SYPL2: variants seen among roughly 807,000 people sequenced by gnomAD.
SYPL2 encodes the protein synaptophysin like 2.
Under a neutral mutation model 31.3 loss-of-function variants are expected in SYPL2, and 24 were observed. The ratio of observed to expected loss-of-function variants is 0.77; its 90% CI spans 0.56 to 1.08. The LOEUF is 1.08. Among genes scored for constraint, SYPL2 ranks in the 50% least tolerant of loss-of-function variants. The pLI is 0.00. For synonymous variants in SYPL2, 144 were observed against 143.1 expected (o/e 1.01, Z -0.05); for missense variants, 342 against 360.1 (o/e 0.95, Z 0.41).
chr1:109,474,589 C>T lies in SYPL2; in HGVS notation c.130-992C>T, dbSNP rs1315380369. ...CTCCTGACCTCAAATGATCCACCCG[C>T]CTCAGCCTCCCAAAGTGCTGGGATT... On this transcript the variant is annotated intron_variant, in intron 2 of 5. Transcript: ENST00000369872. Among the ~76,000 whole-genome samples the T allele has an allele frequency of 2.6e-5, 4 of 152,066 alleles. No individual in the cohort carries two copies. The East Asian group carries it at 7.7e-4, about 29-fold the overall frequency.
Position 109,480,448 on chromosome 1 carries a change from T to G in SYPL2, c.*900T>G, listed in dbSNP as rs1439986715. 1 of 152,230 alleles carries G rather than the reference T, an allele frequency of 6.6e-6. No individual in the cohort carries two copies. Among genetic ancestry groups the G allele is most frequent in the Non-Finnish European group, 1.5e-5 (1 of 68,112 alleles). 9.4% of individuals were successfully genotyped at this position (152,230 alleles called of 1,614,324 possible). A position where few individuals can be genotyped will look rare whatever the true frequency, so the allele number is the denominator to read the frequency against. On this transcript the variant is annotated 3_prime_UTR_variant, in exon 6 of 6. Transcript: ENST00000369872. ...GCCTCCTAATCCCCTTACTTCTCTG[T>G]CCATCTCCCTTCCCCAGCATCGTGC...
intron 2 of SYPL2, among the ~76,000 whole-genome samples, chr1:109,474,323 C>CTTTTTTTTTTTTTTTTTTTTTT (rs67683974): frequency 4.0e-5 from 3 of 75,436 alleles, no homozygotes; most frequent in Non-Finnish European, 5.6e-5. Context: ...CTTTTCTTTT[C>CTTTTTTTTTTTTTTTTTTTTTT]TTTTTTTTTT....
rs746415882 is a variant in SYPL2 at position 109,477,987 on chromosome 1, T to C, written c.626T>C (p.Met209Thr). ...TGCAGTGCCGGGGCCACGCCCTCTA[T>C]GGGCCTGGCCAACATCTCCGTGGTG... ...AVCSAGATPS[M>T]GLANISVLFG... Residue 209 changes from methionine (M) to threonine (T), a missense_variant, in exon 5 of 6, where the codon ATG becomes ACG. By Grantham distance (81) the Met-to-Thr change is moderately conservative (BLOSUM62 -1). Transcript: ENST00000369872. The C allele has an allele frequency of 6.2e-7, 1 of 1,614,216 alleles. No homozygotes were observed. Among genetic ancestry groups the C allele is most frequent in the Non-Finnish European group, 8.5e-7 (1 of 1,180,042 alleles).
intron 2 of SYPL2, among the ~76,000 whole-genome samples, chr1:109,470,699 T>A (rs1252931393): frequency 1.3e-5 from 2 of 152,156 alleles, no homozygotes; most frequent in African/African-American, 4.8e-5. Flanking sequence ...CTTCTCTGTG[T>A]CTCAGTCACT....
chr1:109,477,872 T>G lies in SYPL2; in HGVS notation c.511T>G (p.Trp171Gly). The change falls in exon 5 of 6, where the codon TGG becomes GGG. Residue 171 changes from tryptophan (W) to glycine (G), a missense_variant. Transcript: ENST00000369872. ...CTTCTGGCTGGTAGCTGCAGCTGCC[T>G]GGGGCAAGGGCCTGACCGATGTCAA... Reference protein sequence around the residue: ...TFFWLVAAAAWGKGLTDVKGA... With the variant: ...TFFWLVAAAAGGKGLTDVKGA... 2 of 1,613,946 alleles carry G rather than the reference T, an allele frequency of 1.2e-6. No individual in the cohort carries two copies. The highest frequency in any genetic ancestry group is 1.7e-6 in the Non-Finnish European group (2 of 1,179,876).
rs1441714138 is a variant in SYPL2 at position 109,480,879 on chromosome 1, C to T, written c.*1331C>T. 6.6e-6 allele frequency: 1 copy of T among 152,668 alleles called. No homozygotes were observed. Among genetic ancestry groups the T allele is most frequent in the East Asian group, 1.9e-4 (1 of 5,188 alleles). 9.5% of individuals were successfully genotyped at this position (152,668 alleles called of 1,614,324 possible). Reference sequence around the variant, plus strand: ...TACCTCCTTCAGTCCCTCTCTGGGCCCCAAGGCTGAGAATCAGTGTTAACT... The same window carrying T: ...TACCTCCTTCAGTCCCTCTCTGGGCTCCAAGGCTGAGAATCAGTGTTAACT... On this transcript the variant is annotated 3_prime_UTR_variant, in exon 6 of 6. Coordinates refer to ENST00000369872, the MANE Select transcript of SYPL2 (RefSeq NM_001040709.2).
At chr1:109,466,980 G>C (rs1038125931) in intron 1 of SYPL2, 79 bp from the exon 2 acceptor site, 5 of 1,536,126 alleles carry the variant, frequency 3.3e-6, no homozygotes, top group Non-Finnish European at 4.4e-6. Context: ...CCTGGACCGC[G>C]TGTGAGTGGG....
chr1:109,473,794 C>G (rs2101003048), intron 2 of SYPL2, among the ~76,000 whole-genome samples: 1 of 151,960 alleles, frequency 6.6e-6, no homozygotes. Context: ...ACTCAACAGG[C>G]TGAGGCAGGA....
chr1:109,475,683 G>A lies in SYPL2; in HGVS notation c.232G>A (p.Val78Ile), dbSNP rs763021447. 1.1e-5 allele frequency: 18 copies of A among 1,613,874 alleles called. No individual in the cohort carries two copies. The highest frequency in any genetic ancestry group is 3.3e-4 in the Middle Eastern group (2 of 6,084). The change falls in exon 3 of 6, where the codon GTT (valine) becomes ATT (isoleucine). Residue 78 changes from valine (V) to isoleucine (I), a missense_variant. Physicochemically the swap from Val to Ile is conservative, Grantham distance 29 (BLOSUM62 3). Transcript: ENST00000369872. ...AGCCAAGGACGTGAGCTCCATCATC[G>A]TTGCATTTGGCTATCCCTTCAGGTG... is the stretch of plus-strand genomic sequence containing the variant. The part of the protein sequence containing the change: ...NEAKDVSSII[V>I]AFGYPFRLHR...
At chr1:109,472,148 A>G (rs780395310) in intron 2 of SYPL2, among the ~76,000 whole-genome samples, 2 of 151,604 alleles carry the variant, frequency 1.3e-5, no homozygotes, top group Non-Finnish European at 1.5e-5. Context: ...TTTTTGAGAT[A>G]GGGTCTCGCT....
chr1:109,468,515 T>C (rs898497137), intron 2 of SYPL2, among the ~76,000 whole-genome samples: 17 of 152,190 alleles, frequency 1.1e-4, no homozygotes, highest in Non-Finnish European at 8.8e-5. Context: ...ATTGAGCTCT[T>C]TTGCCTTTGG....
chr1:109,475,400 C>CCT (rs1376135822), intron 2 of SYPL2, 181 bp from the exon 3 acceptor site: 2 of 810,056 alleles, frequency 2.5e-6, no homozygotes, highest in Non-Finnish European at 3.7e-6. Context: ...GGTCCAGCAG[C>CCT]CTGAGGCTGG....
Position 109,466,854 on chromosome 1 carries a change from C to T in SYPL2, c.11C>T (p.Thr4Ile), listed in dbSNP as rs970767513. ...GCTCGCCGCGCCAGCATGTCCTCGA[C>T]CGAGAGCGCCGGCCGCACGGCGGAC... The part of the protein sequence containing the change: MSS[T>I]ESAGRTADKS... Residue 4 changes from threonine (T) to isoleucine (I), a missense_variant, in exon 1 of 6, where the codon ACC (threonine) becomes ATC (isoleucine). Transcript: ENST00000369872. 16 of 1,528,448 alleles carry T rather than the reference C, an allele frequency of 1.0e-5. No individual in the cohort carries two copies. The highest frequency in any genetic ancestry group is 2.5e-5 in the East Asian group (1 of 39,980). 94.7% of individuals were successfully genotyped at this position (1,528,448 alleles called of 1,614,324 possible).
At chr1:109,475,792 A>G in intron 3 of SYPL2, 87 bp downstream of exon 3, 1 of 1,530,234 alleles carries the variant, frequency 6.5e-7, no homozygotes, top group East Asian at 2.3e-5. Flanking sequence ...CAGAAACCTA[A>G]AAACCATTCA....
chr1:109,476,552 G>A (rs953407476), intron 3 of SYPL2, among the ~76,000 whole-genome samples: 1 of 152,190 alleles, frequency 6.6e-6, no homozygotes, highest in Admixed American at 6.5e-5. Flanking sequence ...GGGTAGATGA[G>A]TGGGGTGGGT....
At position 109,466,558 on chromosome 1, in the gene SYPL2, A is replaced by C; in HGVS notation, c.-286A>C. 2.7e-6 allele frequency: 1 copy of C among 375,138 alleles called. No individual in the cohort carries two copies. The highest frequency in any genetic ancestry group is 4.7e-6 in the Non-Finnish European group (1 of 211,940). The allele number at this position is 375,138 out of a possible 1,614,324, so 23.2% of individuals were successfully genotyped here. ...GCGCACGCCACGTGACCCGGCGGCC[A>C]AGTTCGCTGCGAGTTTGACAGAAGT... On this transcript the variant is annotated 5_prime_UTR_variant, in exon 1 of 6. Transcript: ENST00000369872.
Position 109,478,021 on chromosome 1 carries a change from G to A in SYPL2, c.648+12G>A, listed in dbSNP as rs1656055562. 1 of 1,613,568 alleles carries A rather than the reference G, an allele frequency of 6.2e-7. No individual in the cohort carries two copies. Among genetic ancestry groups the A allele is most frequent in the African/African-American group, 1.3e-5 (1 of 75,060 alleles). Reference sequence around the variant, plus strand: ...CCAACATCTCCGTGGTGAGACCTGTGGCCACTGCAGGAAGCAGCACCAGCC... The same window carrying A: ...CCAACATCTCCGTGGTGAGACCTGTAGCCACTGCAGGAAGCAGCACCAGCC... On this transcript the variant is annotated intron_variant, in intron 5 of 5. Coordinates refer to ENST00000369872, the MANE Select transcript of SYPL2 (RefSeq NM_001040709.2). This position sits in a 1 kb window ranked among gnomAD's most constrained non-coding sequence, Gnocchi z 4.0.
chr1:109,467,375 C>T (rs1655686130), intron 2 of SYPL2, among the ~76,000 whole-genome samples: 1 of 152,276 alleles, frequency 6.6e-6, no homozygotes, highest in East Asian at 1.9e-4. Context: ...TGCAAGGAGC[C>T]TTTGCCCAGG....
At position 109,477,068 on chromosome 1, in the gene SYPL2, C is replaced by T. The variant is rs537257035; in HGVS notation, c.456+91C>T. The T allele has an allele frequency of 2.0e-5, 29 of 1,473,634 alleles. No homozygotes were observed. In the East Asian group the frequency reaches 3.9e-4, roughly 20 times the overall value. The allele number at this position is 1,473,634 out of a possible 1,614,324, so 91.3% of individuals were successfully genotyped here. On this transcript the variant is annotated intron_variant, in intron 4 of 5. Transcript: ENST00000369872. The stretch of plus-strand genomic sequence containing the variant: ...GAACTGGAGCAGAGGACAAGCATGG[C>T]GGCTTCCACCCCCATGGTGGAACCT...
Sources: allele counts gnomAD v4.1 joint callset (sites outside exome capture counted in the v4.1 genomes callset), GRCh38; gene constraint gnomAD v4.1.1; non-coding constraint Gnocchi (gnomAD v3.1); transcripts MANE v1.5; gene names NCBI Gene and HGNC (gene_info 2026-07-23, HGNC 2026-07-21).